The following CTNNA3 variants were observed in gnomAD, a reference collection of about 807,000 sequenced individuals.
The protein encoded by CTNNA3 is catenin alpha 3.
CTNNA3 carries 76 observed loss-of-function variants against 95.7 expected under a neutral mutation model. That is an observed-to-expected ratio of 0.79 (90% CI 0.66 to 0.96). The LOEUF is 0.96. CTNNA3 is among the 40% of genes least tolerant of loss of function. The pLI is 0.00. For synonymous variants in CTNNA3, 431 were observed against 374.4 expected, an observed-to-expected ratio of 1.15 and a Z score of -1.74; for missense variants, 1,191 against 1,089.8, an observed-to-expected ratio of 1.09 and a Z score of -1.31.
At chr10:66,440,265 G>A (rs945439096) in intron 11 of CTNNA3, among the ~76,000 whole-genome samples, 1 of 152,124 alleles carries the variant, frequency 6.6e-6, no homozygotes, top group Non-Finnish European at 1.5e-5. Context: ...TATTAGTACA[G>A]TTGAGCATAT....
At position 67,127,978 on chromosome 10, in the gene CTNNA3, C is replaced by T. The variant is rs142412499; in HGVS notation, c.1047+52339G>A. 1.7e-3 allele frequency among the ~76,000 whole-genome samples: 257 copies of T among 152,186 alleles called. 1 individual carries two copies. Among genetic ancestry groups the T allele is most frequent in the African/African-American group, 5.3e-3 (222 of 41,498 alleles). The stretch of plus-strand genomic sequence containing the variant: ...TTAATTACCCCACATCTTTACTACC[C>T]ATGTTTTTCCTCACATGTCCTCAAC... On this transcript the variant is annotated intron_variant, in intron 7 of 17. Coordinates refer to ENST00000433211, the MANE Select transcript of CTNNA3 (RefSeq NM_013266.4).
chr10:66,524,093 C>T (rs528779770), intron 10 of CTNNA3, among the ~76,000 whole-genome samples: 2 of 152,144 alleles, frequency 1.3e-5, no homozygotes, highest in Non-Finnish European at 2.9e-5. Context: ...GCCTTAATGC[C>T]CTTGCTCCAT....
intron 17 of CTNNA3, among the ~76,000 whole-genome samples, chr10:65,959,269 C>T (rs564874898): frequency 2.6e-5 from 4 of 152,228 alleles, no homozygotes; most frequent in African/African-American, 7.2e-5. Context: ...GGGAGTGTCC[C>T]AATTTTCCAG....
chr10:67,078,512 C>CTT (rs11396357), intron 7 of CTNNA3, among the ~76,000 whole-genome samples: 4 of 151,126 alleles, frequency 2.6e-5, no homozygotes, highest in Non-Finnish European at 4.4e-5. Flanking sequence ...TTTCTGATAC[C>CTT]TTTTTTATTA....
chr10:66,377,421 A>G (rs900720641), intron 12 of CTNNA3, among the ~76,000 whole-genome samples: 1 of 152,128 alleles, frequency 6.6e-6, no homozygotes, highest in African/African-American at 2.4e-5. Flanking sequence ...TATAAATCAA[A>G]GAGGTATTAA....
At chr10:65,972,676 T>C (rs2078128258) in intron 16 of CTNNA3, among the ~76,000 whole-genome samples, 1 of 152,096 alleles carries the variant, frequency 6.6e-6, no homozygotes, top group East Asian at 1.9e-4. Context: ...TATACAACAC[T>C]GCTGAAAGAA....
chr10:67,325,216 T>C (rs1005585534), intron 5 of CTNNA3, among the ~76,000 whole-genome samples: 1 of 152,104 alleles, frequency 6.6e-6, no homozygotes, highest in African/African-American at 2.4e-5. Flanking sequence ...AAATGCTTTC[T>C]CGTGTCTCAA....
chr10:65,932,745 T>G (rs974611350), intron 17 of CTNNA3, among the ~76,000 whole-genome samples: 1 of 152,168 alleles, frequency 6.6e-6, no homozygotes, highest in Non-Finnish European at 1.5e-5. Flanking sequence ...CTCTGAATAC[T>G]TTGTACTAAG....
At chr10:67,465,195 CTATTTA>C (rs1847540471) in intron 5 of CTNNA3, among the ~76,000 whole-genome samples, 1 of 150,168 alleles carries the variant, frequency 6.7e-6, no homozygotes, top group Non-Finnish European at 1.5e-5. Context: ...ATGTTGCATT[CTATTTA>C]TAAAAGGACC....
intron 7 of CTNNA3, among the ~76,000 whole-genome samples, chr10:66,998,595 C>CA (rs1851498677): frequency 6.6e-6 from 1 of 151,564 alleles, no homozygotes; most frequent in South Asian, 2.1e-4. Context: ...TGTAGAGAGG[C>CA]AAAAAAGGCA....
intron 5 of CTNNA3, among the ~76,000 whole-genome samples, chr10:67,390,480 G>A (rs1318372126): frequency 6.6e-6 from 1 of 152,026 alleles, no homozygotes; most frequent in Non-Finnish European, 1.5e-5. Context: ...AGAGGTACAA[G>A]GAGGAACTGG....
At chr10:67,445,252 A>C (rs953280675) in intron 5 of CTNNA3, among the ~76,000 whole-genome samples, 3 of 152,038 alleles carry the variant, frequency 2.0e-5, no homozygotes, top group African/African-American at 7.2e-5. Flanking sequence ...AAAGAAAAGC[A>C]ACTTCATAGG....
intron 12 of CTNNA3, among the ~76,000 whole-genome samples, chr10:66,367,888 T>A (rs1454248044): frequency 2.7e-4 from 4 of 14,694 alleles, no homozygotes; most frequent in African/African-American, 6.6e-4. Flanking sequence ...ATAATTATTA[T>A]TATTATTATT....
intron 3 of CTNNA3, among the ~76,000 whole-genome samples, chr10:67,577,206 C>G (rs1342485273): frequency 6.6e-6 from 1 of 151,854 alleles, no homozygotes; most frequent in Non-Finnish European, 1.5e-5. Flanking sequence ...CACATCCTCT[C>G]CAGCACCTGT....
intron 1 of CTNNA3, among the ~76,000 whole-genome samples, chr10:67,751,751 T>A (rs1185280005): frequency 6.7e-6 from 1 of 149,616 alleles, no homozygotes; most frequent in African/African-American, 2.5e-5. Context: ...ATACATCATC[T>A]CAAGACTAAA....
chr10:66,662,408 C>T (rs1420715334), intron 9 of CTNNA3, among the ~76,000 whole-genome samples: 2 of 152,140 alleles, frequency 1.3e-5, no homozygotes, highest in African/African-American at 4.8e-5. Context: ...CCCTACTGTC[C>T]TAGATGACCA....
At chr10:66,182,677 C>T (rs574563602) in intron 13 of CTNNA3, among the ~76,000 whole-genome samples, 31 of 152,092 alleles carry the variant, frequency 2.0e-4, no homozygotes, top group Non-Finnish European at 4.1e-4. Context: ...CTCAATCTGT[C>T]TACTTTTTAA....
At chr10:67,454,565 C>A (rs951056087) in intron 5 of CTNNA3, among the ~76,000 whole-genome samples, 1 of 152,084 alleles carries the variant, frequency 6.6e-6, no homozygotes, top group East Asian at 1.9e-4. Context: ...GGGGAAAATG[C>A]TGGCCTCGCA....
At chr10:66,532,465 AAG>A (rs1841503038) in intron 10 of CTNNA3, among the ~76,000 whole-genome samples, 1 of 107,918 alleles carries the variant, frequency 9.3e-6, no homozygotes. Context: ...CCGTCTCAAA[AAG>A]AAAAAAAAAA....
Sources: gnomAD v4.1 joint callset for allele counts (sites outside exome capture counted in the v4.1 genomes callset) on GRCh38, gnomAD v4.1.1 for gene constraint, MANE v1.5 for transcripts, NCBI Gene and HGNC (gene_info 2026-07-23, HGNC 2026-07-21) for gene names.